GCM2: variants seen among roughly 807,000 people sequenced by gnomAD.
GCM2 encodes GCM transcription factor 2.
A neutral mutation model predicts 24.8 loss-of-function variants in GCM2; 21 were observed. That is an observed-to-expected ratio of 0.85 (90% confidence interval 0.60 to 1.22). GCM2 has a LOEUF of 1.22. GCM2 is among the 50% of genes most tolerant of loss of function. GCM2 has a pLI of 0.00. For synonymous variants in GCM2, 222 were observed against 238.0 expected, an observed-to-expected ratio of 0.93 and a Z score of 0.62; for missense variants, 532 against 645.6, an observed-to-expected ratio of 0.82 and a Z score of 1.91.
At chr6:10,877,428 C>A in intron 1 of GCM2, 36 bp from the exon 2 acceptor site, 1 of 1,611,770 alleles carries the variant, frequency 6.2e-7, no homozygotes, top group African/African-American at 1.3e-5. Flanking sequence ...GTCAGTCTAT[C>A]CAGTCCAAAC....
At position 10,881,674 on chromosome 6, in the gene GCM2, C is replaced by G. The variant is rs1231005288; in HGVS notation, c.90+30G>C. ...TCCCTCCTTCGGATGGACAGCGCCC[C>G]GCGTGCCCGCACACACCCGGTTCAC... On this transcript the variant is annotated intron_variant, in intron 1 of 4. Transcript: ENST00000379491. 17 of 1,554,090 alleles carry G rather than the reference C, an allele frequency of 1.1e-5. No individual in the cohort carries two copies. In the East Asian group the frequency reaches 1.3e-4, roughly 12 times the overall value.
At chr6:10,876,156 G>A (rs919694881) in intron 3 of GCM2, 140 bp from the exon 4 acceptor site, 1 of 896,874 alleles carries the variant, frequency 1.1e-6, no homozygotes, top group African/African-American at 1.7e-5. Context: ...AAAAATTCTT[G>A]AACAAATAAA....
chr6:10,874,857 A>C lies in GCM2; in HGVS notation c.659T>G (p.Val220Gly), dbSNP rs1166977666. 2 of 1,613,998 alleles carry C rather than the reference A, an allele frequency of 1.2e-6. No individual in the cohort carries two copies. Residue 220 changes from valine to glycine, a missense_variant, in exon 5 of 5, where the codon GTT becomes GGT. Val to Gly is a moderately radical substitution (Grantham distance 109, BLOSUM62 -3). Coordinates refer to ENST00000379491, the MANE Select transcript of GCM2 (RefSeq NM_004752.4). ...TGGAATAGGGAAGCTGGTTTCAGTA[A>C]CTATATCAAAGTCTTCTGGATTTTC... ...PLENPEDFDIVTETSFPIPGQ... is the reference protein window; with the variant it reads ...PLENPEDFDIGTETSFPIPGQ...
Position 10,881,554 on chromosome 6 carries a change from ATGTGTG to A in GCM2, c.90+144_90+149del, listed in dbSNP as rs35911329. On this transcript the variant is annotated intron_variant, in intron 1 of 4. Coordinates refer to ENST00000379491, the MANE Select transcript of GCM2 (RefSeq NM_004752.4). ...TCAGAAACCCAGAAATTTTGCGGGT[ATGTGTG>A]TGTGTGTGTGTGTGTGTGTGTGTGT... is the stretch of plus-strand genomic sequence containing the variant. The A allele has an allele frequency of 0.082, 34,684 of 422,918 alleles. 731 individuals carry two copies. The highest frequency in any genetic ancestry group is 0.13 in the Admixed American group (4,215 of 32,914). The allele number at this position is 422,918 out of a possible 1,614,324, so 26.2% of individuals were successfully genotyped here.
chr6:10,881,554 A>ATGTGTGTGTGTGTGTGTGTG, intron 1 of GCM2, 150 bp downstream of exon 1: 2 of 426,788 alleles, frequency 4.7e-6, no homozygotes, highest in East Asian at 4.4e-5. Context: ...TTTTGCGGGT[A>ATGTGTGTGTGTGTGTGTGTG]TGTGTGTGTG....
In GCM2 at chr6:10,881,781, C is replaced by T. The variant is rs778372344; in HGVS notation, c.13G>A (p.Ala5Thr). 1.2e-6 allele frequency: 2 copies of T among 1,608,222 alleles called. No homozygotes were observed. Among genetic ancestry groups the T allele is most frequent in the African/African-American group, 1.3e-5 (1 of 74,912 alleles). The change falls in exon 1 of 5, where the codon GCG becomes ACG. Residue 5 changes from alanine (A) to threonine (T), a missense_variant. Ala to Thr is a moderately conservative substitution (Grantham distance 58). This residue lies in a region of GCM2 where 96 missense variants were observed against 103.5 expected (regional missense o/e 0.93). Transcript: ENST00000379491. Reference protein sequence around the residue: MPAAAVQEAVGVCSY... With the variant: MPAATVQEAVGVCSY... ...CACACGCCGACCGCTTCCTGCACCG[C>T]GGCCGCCGGCATCTGCCCAACTCGC...
chr6:10,877,768 C>T (rs997814732), intron 1 of GCM2, among the ~76,000 whole-genome samples: 1 of 152,110 alleles, frequency 6.6e-6, no homozygotes, highest in Non-Finnish European at 1.5e-5. Flanking sequence ...CATTCCAGAG[C>T]CTGTACTTCT....
In GCM2 at chr6:10,874,636, C is replaced by A; in HGVS notation, c.880G>T (p.Asp294Tyr). The A allele has an allele frequency of 6.2e-7, 1 of 1,614,140 alleles. No individual in the cohort carries two copies. The highest frequency in any genetic ancestry group is 1.1e-5 in the South Asian group (1 of 91,078). Residue 294 changes from aspartate to tyrosine, a missense_variant, in exon 5 of 5, where the codon GAT becomes TAT. By Grantham distance (160) the Asp-to-Tyr change is radical. This residue lies in a region of GCM2 where 434 missense variants were observed against 521.9 expected (regional missense o/e 0.83). Transcript: ENST00000379491. Reference protein sequence around the residue: ...NSSPYPTLYKDSTSIPNDTDW... With the variant: ...NSSPYPTLYKYSTSIPNDTDW... ...GTGTCATTAGGGATACTGGTGGAAT[C>A]CTTATAAAGGGTGGGATATGGGCTT... is the stretch of plus-strand genomic sequence containing the variant.
intron 2 of GCM2, 27 bp downstream of exon 2, chr6:10,877,113 A>T (rs1287749781): frequency 2.5e-6 from 4 of 1,607,348 alleles, no homozygotes; most frequent in Non-Finnish European, 3.4e-6. Flanking sequence ...CTCCAAGGTC[A>T]CCCTCTCCCT....
In GCM2 at chr6:10,874,230, G is replaced by A. The variant is rs1430276294; in HGVS notation, c.1286C>T (p.Pro429Leu). The change falls in exon 5 of 5, where the codon CCC becomes CTC. Residue 429 changes from proline to leucine, a missense_variant. Coordinates refer to ENST00000379491, the MANE Select transcript of GCM2 (RefSeq NM_004752.4). ...EDTGMSVYPE[P>L]WGPPVTVTRA... ...GGTGACTGTCACCGGAGGACCCCAG[G>A]GTTCTGGATAGACAGACATCCCAGT... The A allele has an allele frequency of 3.1e-6, 5 of 1,614,062 alleles. No homozygotes were observed. Among genetic ancestry groups the A allele is most frequent in the Non-Finnish European group, 3.4e-6 (4 of 1,180,026 alleles).
In GCM2 at chr6:10,873,967, A is replaced by G. The variant is rs1295160728; in HGVS notation, c.*28T>C. The G allele has an allele frequency of 1.9e-6, 3 of 1,540,858 alleles. No homozygotes were observed. In the South Asian group the frequency reaches 3.3e-5, roughly 17 times the overall value. On this transcript the variant is annotated 3_prime_UTR_variant, in exon 5 of 5. Transcript: ENST00000379491. ...TTCCCTGCCTCCTGCCTGCATGCAC[A>G]CTGCTATTATGTCCCCTGGATTGTC...
At chr6:10,874,999 A>G (rs1184610873) in intron 4 of GCM2, 66 bp from the exon 5 acceptor site, 1 of 1,122,212 alleles carries the variant, frequency 8.9e-7, no homozygotes, top group Non-Finnish European at 1.4e-6. Context: ...ACCTGTAACA[A>G]TAGCCTAGAA....
intron 1 of GCM2, among the ~76,000 whole-genome samples, chr6:10,880,373 C>T (rs866540200): frequency 7.2e-5 from 11 of 152,132 alleles, no homozygotes; most frequent in East Asian, 1.9e-4. Context: ...CTATGAGAGG[C>T]GACACAATGT....
rs1284561685 is a variant in GCM2, at chr6:10,881,583, TG to T, written c.90+120del. ...GTGTGTGTGTGTGTGTGTGTGTGTG[TG>T]TGTGTGTGTGTGTGTGTGTGTGTAT... On this transcript the variant is annotated intron_variant, in intron 1 of 4. Transcript: ENST00000379491. The T allele has an allele frequency of 1.8e-4, 120 of 684,602 alleles. 1 individual carries two copies. The highest frequency in any genetic ancestry group is 6.0e-4 in the South Asian group (37 of 61,904). 42.4% of individuals were successfully genotyped at this position (684,602 alleles called of 1,614,324 possible). A position where few individuals can be genotyped will look rare whatever the true frequency, so the allele number is the denominator to read the frequency against.
chr6:10,873,316 CATT>C lies in GCM2; in HGVS notation c.*676_*678del, dbSNP rs1760764432. 6.5e-6 allele frequency: 1 copy of C among 152,902 alleles called. No individual in the cohort carries two copies. The highest frequency in any genetic ancestry group is 2.4e-5 in the African/African-American group (1 of 41,404). 9.5% of individuals were successfully genotyped at this position (152,902 alleles called of 1,614,324 possible). A position where few individuals can be genotyped will look rare whatever the true frequency, so the allele number is the denominator to read the frequency against. On this transcript the variant is annotated 3_prime_UTR_variant, in exon 5 of 5. Coordinates refer to ENST00000379491, the MANE Select transcript of GCM2 (RefSeq NM_004752.4). Reference sequence around the variant, plus strand: ...TGGTAATCCATTAAATACAACTCATCATTGTTAGGCTGTCTCTGTTATGGAAAC... The same window carrying C: ...TGGTAATCCATTAAATACAACTCATCGTTAGGCTGTCTCTGTTATGGAAAC...
At chr6:10,880,371 G>A (rs866529578) in intron 1 of GCM2, among the ~76,000 whole-genome samples, 23 of 152,238 alleles carry the variant, frequency 1.5e-4, no homozygotes, top group Middle Eastern at 3.4e-3. Context: ...CTCTATGAGA[G>A]GCGACACAAT....
chr6:10,880,221 C>T (rs1443730580), intron 1 of GCM2, among the ~76,000 whole-genome samples: 2 of 152,038 alleles, frequency 1.3e-5, no homozygotes. Context: ...TGTGATTGCA[C>T]CCCAGCCTAG....
intron 2 of GCM2, 136 bp downstream of exon 2, chr6:10,877,004 A>G: frequency 8.6e-7 from 1 of 1,167,124 alleles, no homozygotes; most frequent in Non-Finnish European, 1.3e-6. Flanking sequence ...CGGAGGTTGC[A>G]GTGAGCTGAG....
chr6:10,875,024 A>C, intron 4 of GCM2, 91 bp from the exon 5 acceptor site: 1 of 909,378 alleles, frequency 1.1e-6, no homozygotes. Context: ...GTAAAAACAG[A>C]CATCCATGTG....
Sources: allele counts gnomAD v4.1 joint callset (sites outside exome capture counted in the v4.1 genomes callset), GRCh38; gene constraint gnomAD v4.1.1; regional missense constraint gnomAD v4.1.1; transcripts MANE v1.5; gene names NCBI Gene and HGNC (gene_info 2026-07-23, HGNC 2026-07-21).